The following TJP1 variants were observed in gnomAD, a reference collection of about 807,000 sequenced individuals.
The protein encoded by TJP1 is tight junction protein 1.
A neutral mutation model predicts 194.2 loss-of-function variants in TJP1; 43 were observed. That is an observed-to-expected ratio of 0.22 (90% CI 0.17 to 0.29). The LOEUF is 0.29. Among genes scored for constraint, TJP1 ranks in the 10% least tolerant of loss-of-function variants. TJP1 has a pLI of 1.00. For synonymous variants in TJP1, 801 were observed against 779.0 expected (o/e 1.03, Z -0.47); for missense variants, 1,971 against 2,185.7 (o/e 0.90, Z 1.96).
At chr15:29,762,222 C>T (rs2046051737) in intron 6 of TJP1, 113 bp downstream of exon 6, 2 of 796,498 alleles carry the variant, frequency 2.5e-6, no homozygotes, top group Non-Finnish European at 3.9e-6. Context: ...CCCCCAAACA[C>T]TGATTTTTAA....
rs1444385420 is a variant in TJP1 at position 29,916,319 on chromosome 15, T to C, written c.306+39913A>G. ...AATATATTAGTATATAATATATCTC[T>C]AGCATTTTTGTAAGGTCTCAGAAGC... is the stretch of plus-strand genomic sequence containing the variant. On this transcript the variant is annotated intron_variant, in intron 2 of 28. Transcript: ENST00000356107. Among the ~76,000 whole-genome samples the C allele has an allele frequency of 2.6e-5, 4 of 151,814 alleles. No homozygotes were observed. In the East Asian group the frequency reaches 7.7e-4, roughly 29 times the overall value.
rs772228549 is a variant in TJP1, at chr15:29,708,751, A to T, written c.4658T>A (p.Leu1553Gln). The T allele has an allele frequency of 6.2e-6, 10 of 1,614,138 alleles. No individual in the cohort carries two copies. The highest frequency in any genetic ancestry group is 7.6e-6 in the Non-Finnish European group (9 of 1,180,060). Reference protein sequence around the residue: ...FESPKFNHNLLPSETAHKPDL... With the variant: ...FESPKFNHNLQPSETAHKPDL... Reference sequence around the variant, plus strand: ...AGGTTTATGTGCAGTTTCACTTGGCAGAAGATTGTGATTGAATTTAGGACT... The same window carrying T: ...AGGTTTATGTGCAGTTTCACTTGGCTGAAGATTGTGATTGAATTTAGGACT... The change falls in exon 25 of 28, where the codon CTG becomes CAG. Residue 1553 changes from leucine (L) to glutamine (Q), a missense_variant. Physicochemically the swap from Leu to Gln is moderately radical, Grantham distance 113. Coordinates refer to ENST00000614355, the MANE Select transcript of TJP1 (RefSeq NM_001330239.4).
At chr15:29,732,976 G>A in intron 13 of TJP1, 118 bp downstream of exon 13, 1 of 1,281,344 alleles carries the variant, frequency 7.8e-7, no homozygotes. Context: ...GTCAGTTATA[G>A]ATACGTTGAA....
intron 2 of TJP1, among the ~76,000 whole-genome samples, chr15:29,798,311 G>A (rs563939687): frequency 1.8e-4 from 27 of 150,524 alleles, no homozygotes; most frequent in South Asian, 2.1e-4. Context: ...CTGACAATAC[G>A]GATTGAGTAT....
At chr15:29,709,062 A>G in intron 24 of TJP1, 26 bp from the exon 25 acceptor site, 3 of 1,585,894 alleles carry the variant, frequency 1.9e-6, no homozygotes, top group Non-Finnish European at 2.6e-6. Context: ...AAGCATTTAA[A>G]TAACTTTCTG....
At chr15:29,750,776 G>A (rs539310017) in intron 8 of TJP1, among the ~76,000 whole-genome samples, 4 of 152,176 alleles carry the variant, frequency 2.6e-5, no homozygotes, top group East Asian at 1.9e-4. Context: ...CTACAAAAAC[G>A]GATTTATACA....
chr15:29,888,728 G>C (rs949505965), intron 2 of TJP1, among the ~76,000 whole-genome samples: 1 of 152,074 alleles, frequency 6.6e-6, no homozygotes, highest in Non-Finnish European at 1.5e-5. Context: ...CCTAGATAAG[G>C]AGTGGCTCTG....
At chr15:29,847,829 C>T (rs758828345) in intron 2 of TJP1, among the ~76,000 whole-genome samples, 50 of 151,992 alleles carry the variant, frequency 3.3e-4, no homozygotes, top group South Asian at 2.3e-3. Flanking sequence ...ATAGAGTAAG[C>T]GGTTAGTGCT....
chr15:29,880,837 CCT>C lies in TJP1; in HGVS notation c.306+75393_306+75394del, dbSNP rs577904563. Among the ~76,000 whole-genome samples the C allele has an allele frequency of 3.9e-3, 587 of 152,308 alleles. 5 individuals are homozygous for C. The highest frequency in any genetic ancestry group is 0.013 in the African/African-American group (560 of 41,576). On this transcript the variant is annotated intron_variant, in intron 2 of 28. Transcript: ENST00000356107. ...ATATATCACATTTTCTTTATCCATTCCTCTGTTGATGGACAGGTGGGTTGTTT... is the reference window on the plus strand; with the variant it reads ...ATATATCACATTTTCTTTATCCATTCCTGTTGATGGACAGGTGGGTTGTTT...
chr15:29,803,996 A>T (rs2048957661), intron 1 of TJP1, among the ~76,000 whole-genome samples: 1 of 151,926 alleles, frequency 6.6e-6, no homozygotes, highest in African/African-American at 2.4e-5. Context: ...CCATAATATA[A>T]GTGAGTTACT....
chr15:29,812,774 G>A (rs1021346098), intron 1 of TJP1, among the ~76,000 whole-genome samples: 2 of 152,158 alleles, frequency 1.3e-5, no homozygotes, highest in African/African-American at 4.8e-5. Flanking sequence ...GATTAAATGG[G>A]ATAATGCACA....
At chr15:29,842,196 T>C (rs1259560019) in intron 2 of TJP1, among the ~76,000 whole-genome samples, 1 of 152,066 alleles carries the variant, frequency 6.6e-6, no homozygotes, top group Non-Finnish European at 1.5e-5. Flanking sequence ...TAAACAAGAG[T>C]TAAGTTCCTG....
chr15:29,746,629 C>T (rs952753839), intron 8 of TJP1, among the ~76,000 whole-genome samples: 1 of 151,918 alleles, frequency 6.6e-6, no homozygotes, highest in East Asian at 1.9e-4. Context: ...ACTATTTCAA[C>T]TTTTACAAAA....
chr15:29,955,238 A>C (rs1028962749), intron 2 of TJP1, among the ~76,000 whole-genome samples: 11 of 152,228 alleles, frequency 7.2e-5, no homozygotes, highest in African/African-American at 2.2e-4. Flanking sequence ...AAAATTTTTC[A>C]AAACTCAAAG....
chr15:29,774,314 GAA>G lies in TJP1; in HGVS notation c.85-959_85-958del, dbSNP rs201128305. On this transcript the variant is annotated intron_variant, in intron 2 of 27. Transcript: ENST00000614355. ...CCCAAAGCCTATAGAAGTAGCAAAAGAAAAAAAAAAATCTTCTTAAAAATGAA... is the reference window on the plus strand; with the variant it reads ...CCCAAAGCCTATAGAAGTAGCAAAAGAAAAAAAAATCTTCTTAAAAATGAA... Among the ~76,000 whole-genome samples the G allele has an allele frequency of 4.4e-3, 614 of 141,068 alleles. 16 individuals carry two copies. The East Asian group carries it at 0.081, about 19-fold the overall frequency. 92.5% of individuals were successfully genotyped at this position (141,068 alleles called of 152,430 possible).
chr15:29,904,669 T>C (rs950996519), intron 2 of TJP1, among the ~76,000 whole-genome samples: 5 of 152,092 alleles, frequency 3.3e-5, no homozygotes, highest in African/African-American at 1.2e-4. Context: ...CCCTGTCTTA[T>C]TAGAAAAAAA....
intron 7 of TJP1, 135 bp from the exon 8 acceptor site, chr15:29,761,421 T>C (rs1322363827): frequency 2.3e-6 from 3 of 1,303,800 alleles, no homozygotes; most frequent in Non-Finnish European, 3.1e-6. Context: ...TAATTTCACC[T>C]GCCAGCAATC....
chr15:29,884,816 A>G (rs1000382798), intron 2 of TJP1, among the ~76,000 whole-genome samples: 2 of 152,276 alleles, frequency 1.3e-5, no homozygotes, highest in African/African-American at 4.8e-5. Context: ...CAGGTTAACT[A>G]AAGGGATCAA....
chr15:29,821,902 G>C, intron 1 of TJP1, 100 bp downstream of exon 1: 1 of 1,084,170 alleles, frequency 9.2e-7, no homozygotes, highest in Non-Finnish European at 1.1e-6. Context: ...CCGGGGCCCA[G>C]ACAGCCGCCA....
Sources: gnomAD v4.1 joint callset for allele counts (sites outside exome capture counted in the v4.1 genomes callset) on GRCh38, gnomAD v4.1.1 for gene constraint, MANE v1.5 for transcripts, NCBI Gene and HGNC (gene_info 2026-07-23, HGNC 2026-07-21) for gene names.